The following RGL1 variants were observed in gnomAD, a reference collection of about 807,000 sequenced individuals.
RGL1 encodes ral guanine nucleotide dissociation stimulator-like 1.
Under a neutral mutation model 95.2 loss-of-function variants are expected in RGL1, and 24 were observed. The observed-to-expected ratio is 0.25, with a 90% CI of 0.18 to 0.35. The LOEUF (loss-of-function observed/expected upper bound fraction) is 0.35. Among genes scored for constraint, RGL1 ranks in the 10% least tolerant of loss-of-function variants. The pLI, the probability that RGL1 is intolerant of heterozygous loss-of-function variation, is 1.00. For synonymous variants in RGL1, 329 were observed against 344.9 expected, an observed-to-expected ratio of 0.95 and a Z score of 0.51; for missense variants, 715 against 936.3, an observed-to-expected ratio of 0.76 and a Z score of 3.08.
At chr1:183,763,052 A>C (rs961236182) in intron 2 of RGL1, among the ~76,000 whole-genome samples, 1 of 152,240 alleles carries the variant, frequency 6.6e-6, no homozygotes. Flanking sequence ...ATGGAATACT[A>C]TGCAGCCATA....
At chr1:183,693,244 G>A (rs1308539346) in intron 1 of RGL1, among the ~76,000 whole-genome samples, 2 of 152,036 alleles carry the variant, frequency 1.3e-5, no homozygotes, top group Admixed American at 1.3e-4. Flanking sequence ...ATGAGCCACC[G>A]TGCCCAGCCA....
chr1:183,792,760 C>T (rs560348275), intron 2 of RGL1, among the ~76,000 whole-genome samples: 3 of 152,176 alleles, frequency 2.0e-5, no homozygotes, highest in African/African-American at 7.2e-5. Flanking sequence ...TGAAAGATCT[C>T]TGCAATGAAA....
intron 1 of RGL1, among the ~76,000 whole-genome samples, chr1:183,661,941 C>T (rs1651662911): frequency 6.7e-6 from 1 of 150,180 alleles, no homozygotes; most frequent in Non-Finnish European, 1.5e-5. Flanking sequence ...AGCATATAAA[C>T]AGAACCAAAG....
At chr1:183,690,573 T>A (rs1276501696) in intron 1 of RGL1, among the ~76,000 whole-genome samples, 4 of 152,124 alleles carry the variant, frequency 2.6e-5, no homozygotes, top group Non-Finnish European at 4.4e-5. Context: ...TCAAAAGAGA[T>A]CATCTAAGCG....
intron 3 of RGL1, among the ~76,000 whole-genome samples, chr1:183,857,196 A>G (rs1244159657): frequency 2.6e-5 from 4 of 152,126 alleles, no homozygotes; most frequent in African/African-American, 7.2e-5. Flanking sequence ...GATAGATGCT[A>G]TGTTGCTGGC....
rs529593968 is a variant in RGL1, at chr1:183,854,668, C to G, written c.347+6894C>G. On this transcript the variant is annotated intron_variant, in intron 3 of 17. Coordinates refer to ENST00000360851, the MANE Select transcript of RGL1 (RefSeq NM_001297671.3). The stretch of plus-strand genomic sequence containing the variant: ...GCAATTTTTCCTGTCTTTTTTTTTA[C>G]CCATGAGATTCAGATTTAAGGCATA... 6.6e-5 allele frequency among the ~76,000 whole-genome samples: 10 copies of G among 151,880 alleles called. No homozygotes were observed. In the South Asian group the frequency reaches 1.9e-3, roughly 28 times the overall value.
chr1:183,777,958 G>A (rs561794136), intron 2 of RGL1, among the ~76,000 whole-genome samples: 1 of 152,268 alleles, frequency 6.6e-6, no homozygotes, highest in Admixed American at 6.5e-5. Flanking sequence ...ATTTGGAAGT[G>A]GGATGTTTGA....
At chr1:183,917,743 C>A (rs1669064165) in intron 16 of RGL1, among the ~76,000 whole-genome samples, 1 of 152,200 alleles carries the variant, frequency 6.6e-6, no homozygotes. Context: ...TCACAATGTG[C>A]AAAATAATAG....
chr1:183,658,722 A>G (rs1382245584), intron 1 of RGL1, among the ~76,000 whole-genome samples: 1 of 152,094 alleles, frequency 6.6e-6, no homozygotes, highest in South Asian at 2.1e-4. Flanking sequence ...CTCCCAGCAC[A>G]CAGCTGGAGA....
At chr1:183,854,964 T>C (rs1024119371) in intron 3 of RGL1, among the ~76,000 whole-genome samples, 1 of 152,200 alleles carries the variant, frequency 6.6e-6, no homozygotes, top group Non-Finnish European at 1.5e-5. Flanking sequence ...CTTCAAGGCA[T>C]TTATTATTAT....
intron 8 of RGL1, among the ~76,000 whole-genome samples, chr1:183,889,530 T>C (rs1667298501): frequency 6.6e-6 from 1 of 152,054 alleles, no homozygotes; most frequent in Non-Finnish European, 1.5e-5. Flanking sequence ...TTACTCAGAG[T>C]TGATCAAGCC....
exon 1 of RGL1, chr1:183,636,409 C>G (rs1649536141): frequency 7.9e-6 from 3 of 379,826 alleles, no homozygotes; most frequent in Non-Finnish European, 1.4e-5. Flanking sequence ...TCTTGGCCAG[C>G]GGGAAGTCCC....
At chr1:183,655,390 AG>A (rs1651082744) in intron 1 of RGL1, among the ~76,000 whole-genome samples, 1 of 152,262 alleles carries the variant, frequency 6.6e-6, no homozygotes, top group Non-Finnish European at 1.5e-5. Context: ...ACTGTACCCA[AG>A]TAATTATATA....
At chr1:183,865,143 G>A (rs550918562) in intron 3 of RGL1, among the ~76,000 whole-genome samples, 4 of 152,094 alleles carry the variant, frequency 2.6e-5, no homozygotes, top group Non-Finnish European at 4.4e-5. Flanking sequence ...TTTAAAGTGC[G>A]TTTACTAAGT....
chr1:183,798,177 G>T (rs536429425), intron 2 of RGL1, among the ~76,000 whole-genome samples: 151 of 152,038 alleles, frequency 9.9e-4, no homozygotes, highest in Admixed American at 3.1e-3. Context: ...ATTTTTCTTC[G>T]CATGGTATTA....
intron 1 of RGL1, among the ~76,000 whole-genome samples, chr1:183,708,796 A>T (rs963841647): frequency 6.6e-6 from 1 of 152,178 alleles, no homozygotes; most frequent in Non-Finnish European, 1.5e-5. Flanking sequence ...ATGCACAGAG[A>T]GGTGACTGGA....
At chr1:183,839,447 G>A (rs1301797499) in intron 2 of RGL1, among the ~76,000 whole-genome samples, 1 of 152,134 alleles carries the variant, frequency 6.6e-6, no homozygotes, top group Non-Finnish European at 1.5e-5. Context: ...TTGATCAGAA[G>A]TCTTGATGAT....
At chr1:183,664,282 T>G (rs181004585) in intron 1 of RGL1, among the ~76,000 whole-genome samples, 1 of 152,300 alleles carries the variant, frequency 6.6e-6, no homozygotes, top group African/African-American at 2.4e-5. Context: ...TTATGATTGG[T>G]GTAAAGAGAT....
At chr1:183,867,909 T>A (rs1665935381) in intron 4 of RGL1, among the ~76,000 whole-genome samples, 1 of 152,242 alleles carries the variant, frequency 6.6e-6, no homozygotes. Context: ...AAGCTGAGTA[T>A]CTTTTTTAAC....
Sources: allele counts gnomAD v4.1 joint callset (sites outside exome capture counted in the v4.1 genomes callset), GRCh38; gene constraint gnomAD v4.1.1; transcripts MANE v1.5; gene names NCBI Gene and HGNC (gene_info 2026-07-23, HGNC 2026-07-21).